Variants in RBFOX1 observed in about 807,000 individuals in gnomAD.
RBFOX1 encodes the protein RNA binding fox-1 homolog 1, also known as RNA binding protein fox-1 homolog 1.
RBFOX1 carries 8 observed loss-of-function variants against 57.7 expected under a neutral mutation model. The observed-to-expected ratio is 0.14, with a 90% CI of 0.08 to 0.25. The LOEUF is 0.25. Ranked by LOEUF, RBFOX1 falls within the 10% of genes least tolerant of loss-of-function variation. The pLI is 1.00. For missense variants in RBFOX1, 611 were observed against 548.5 expected (o/e 1.11, Z -1.14); for synonymous variants, 326 against 222.4 (o/e 1.47, Z -4.15).
At chr16:6,773,682 T>G (rs2078837030) in intron 3 of RBFOX1, 1 of 146,750 alleles carries the variant, frequency 6.8e-6, no homozygotes, top group African/African-American at 2.5e-5. Context: ...TGTATGTGTA[T>G]GTGTATGTGT....
chr16:5,280,910 G>T (rs2063257023), intron 1 of RBFOX1, among the ~76,000 whole-genome samples: 1 of 148,240 alleles, frequency 6.7e-6, no homozygotes, highest in African/African-American at 2.5e-5. Context: ...TTGATTATTT[G>T]CATTTCTTTT....
rs367711818 is a variant in RBFOX1 at position 5,692,981 on chromosome 16, T to G, written c.318+94020T>G. Among the ~76,000 whole-genome samples, 28 of 152,234 alleles carry G rather than the reference T, an allele frequency of 1.8e-4. 1 individual carries two copies. The highest frequency in any genetic ancestry group is 1.4e-3 in the Admixed American group (22 of 15,282). ...CGGCTTTGCAAACATCTGGACTCAC[T>G]ACACAATTCACTATTTTTCCAGCTT... On this transcript the variant is annotated intron_variant, in intron 3 of 19. Coordinates refer to the RBFOX1 transcript ENST00000641259.
chr16:7,422,257 C>G (rs1050966472), intron 4 of RBFOX1, among the ~76,000 whole-genome samples: 11 of 152,138 alleles, frequency 7.2e-5, no homozygotes, highest in Non-Finnish European at 1.5e-4. Flanking sequence ...AGAAACAGCC[C>G]TATTGTTTTA....
At position 5,885,624 on chromosome 16, in the gene RBFOX1, C is replaced by G. The variant is rs368095321; in HGVS notation, c.351+18289C>G. The stretch of plus-strand genomic sequence containing the variant: ...AGACCCCTGGCTTGATTGGAGTTGT[C>G]TATTCTATGTTCTCTTTCAGAATTT... On this transcript the variant is annotated intron_variant, in intron 4 of 19. Coordinates refer to the RBFOX1 transcript ENST00000641259. 7.2e-5 allele frequency among the ~76,000 whole-genome samples: 11 copies of G among 152,212 alleles called. No homozygotes were observed. The East Asian group carries it at 2.1e-3, about 30-fold the overall frequency.
rs567761500 is a variant in RBFOX1, at chr16:5,947,897, G to C, written c.351+80562G>C. On this transcript the variant is annotated intron_variant, in intron 4 of 19. Transcript: ENST00000641259. This position sits in a 1 kb window ranked among gnomAD's most constrained non-coding sequence, Gnocchi z 7.2. ...GTAACGGGAGTTTATGTAATTATTA[G>C]TTTGAATGGCTCTGCTCATTATGGT... 6.6e-6 allele frequency among the ~76,000 whole-genome samples: 1 copy of C among 152,194 alleles called. No homozygotes were observed. Among genetic ancestry groups the C allele is most frequent in the Non-Finnish European group, 1.5e-5 (1 of 68,042 alleles).
chr16:6,006,333 A>G (rs898129816), intron 4 of RBFOX1, among the ~76,000 whole-genome samples: 2 of 151,952 alleles, frequency 1.3e-5, no homozygotes, highest in African/African-American at 4.8e-5. Context: ...CATCTGGACC[A>G]GTGAGTGCAC....
chr16:5,922,093 C>T (rs1031188059), intron 4 of RBFOX1, among the ~76,000 whole-genome samples: 2 of 152,044 alleles, frequency 1.3e-5, no homozygotes, highest in Admixed American at 6.5e-5. Context: ...TCCAGGAGGT[C>T]GAGGCTGCAG....
intron 3 of RBFOX1, among the ~76,000 whole-genome samples, chr16:5,831,027 G>A (rs763179341): frequency 3.3e-5 from 5 of 152,286 alleles, no homozygotes; most frequent in Non-Finnish European, 5.9e-5. Flanking sequence ...CCTTGCTAAT[G>A]CGTTAGTTGG....
intron 4 of RBFOX1, among the ~76,000 whole-genome samples, chr16:7,356,072 A>C (rs2097209395): frequency 6.6e-6 from 1 of 152,226 alleles, no homozygotes; most frequent in African/African-American, 2.4e-5. Context: ...GCATGTCTCC[A>C]ATACCTGGTG....
At position 5,796,024 on chromosome 16, in the gene RBFOX1, T is replaced by C. The variant is rs564170949; in HGVS notation, c.319-71279T>C. Among the ~76,000 whole-genome samples, 3 of 152,368 alleles carry C rather than the reference T, an allele frequency of 2.0e-5. No individual in the cohort carries two copies. The South Asian group carries it at 6.2e-4, about 32-fold the overall frequency. ...TTGCATAGGGCTGTGCAATGCATTG[T>C]AGATTTCCATAGCAGTTGAATCTAG... On this transcript the variant is annotated intron_variant, in intron 3 of 19. Transcript: ENST00000641259.
intron 13 of RBFOX1, among the ~76,000 whole-genome samples, chr16:7,668,730 T>G (rs534833612): frequency 6.6e-6 from 1 of 152,180 alleles, no homozygotes; most frequent in African/African-American, 2.4e-5. Flanking sequence ...ATGAAACATA[T>G]CAAATCTTTT....
chr16:5,270,300 A>G (rs1455869852), intron 1 of RBFOX1: 1 of 677,870 alleles, frequency 1.5e-6, no homozygotes, highest in Non-Finnish European at 2.7e-6. Flanking sequence ...CAATGTAAGA[A>G]ATATTGGAAA....
At chr16:7,428,948 A>T (rs1015963225) in intron 4 of RBFOX1, among the ~76,000 whole-genome samples, 1 of 152,130 alleles carries the variant, frequency 6.6e-6, no homozygotes, top group Admixed American at 6.5e-5. Context: ...ACACAGTACA[A>T]TGCCTGGCGC....
intron 3 of RBFOX1, among the ~76,000 whole-genome samples, chr16:6,707,074 A>G (rs934496351): frequency 1.3e-5 from 2 of 152,168 alleles, no homozygotes; most frequent in East Asian, 1.9e-4. Context: ...TTTTGGTATA[A>G]TCTCTTTCCA....
intron 4 of RBFOX1, among the ~76,000 whole-genome samples, chr16:5,941,853 A>T (rs893331754): frequency 1.3e-5 from 2 of 152,024 alleles, no homozygotes; most frequent in Non-Finnish European, 2.9e-5. Context: ...AGTATGGATG[A>T]CGCAGTACAT....
chr16:5,577,588 C>T (rs1302356254), intron 2 of RBFOX1, among the ~76,000 whole-genome samples: 1 of 152,138 alleles, frequency 6.6e-6, no homozygotes, highest in Admixed American at 6.5e-5. Flanking sequence ...TGATTTTAAC[C>T]ACTATTCTGT....
chr16:7,152,259 T>G (rs1301386031), intron 4 of RBFOX1, among the ~76,000 whole-genome samples: 1 of 152,082 alleles, frequency 6.6e-6, no homozygotes, highest in Non-Finnish European at 1.5e-5. Flanking sequence ...GTGCATAGCT[T>G]TAGTAAACCC....
At chr16:6,859,156 T>C (rs1330671753) in intron 3 of RBFOX1, among the ~76,000 whole-genome samples, 1 of 56,726 alleles carries the variant, frequency 1.8e-5, no homozygotes, top group Non-Finnish European at 3.5e-5. Context: ...TATATATGTA[T>C]ATATATACGT....
chr16:6,709,937 T>C (rs2063435291), intron 3 of RBFOX1, among the ~76,000 whole-genome samples: 1 of 152,018 alleles, frequency 6.6e-6, no homozygotes, highest in Non-Finnish European at 1.5e-5. Flanking sequence ...TTGAGGTGAA[T>C]CACTTGGCAA....
Sources: gnomAD v4.1 joint callset for allele counts (sites outside exome capture counted in the v4.1 genomes callset) on GRCh38, gnomAD v4.1.1 for gene constraint, Gnocchi (gnomAD v3.1) non-coding constraint, MANE v1.5 for transcripts, NCBI Gene and HGNC (gene_info 2026-07-23, HGNC 2026-07-21) for gene names.